Variants in TTC21A observed in about 807,000 individuals in gnomAD.
TTC21A encodes tetratricopeptide repeat protein 21A.
Under a neutral mutation model 156.4 loss-of-function variants are expected in TTC21A, and 128 were observed. The ratio of observed to expected loss-of-function variants is 0.82; its 90% CI spans 0.71 to 0.95. The LOEUF is 0.95. Ranked by LOEUF, TTC21A falls within the 40% of genes least tolerant of loss-of-function variation. The pLI, the probability that TTC21A is intolerant of heterozygous loss-of-function variation, is 0.00. For missense variants in TTC21A, 1,435 were observed against 1,602.3 expected (o/e 0.90, Z 1.78); for synonymous variants, 587 against 617.1 (o/e 0.95, Z 0.72).
In TTC21A at chr3:39,134,140, GA is replaced by G; in HGVS notation, c.2752-75del. ...GAGCTGATAGAAGTGGGGTGTGAGG[GA>G]AAGAGCTGTCAAGGATAACCCCAGG... is the stretch of plus-strand genomic sequence containing the variant. On this transcript the variant is annotated intron_variant, in intron 20 of 28. Transcript: ENST00000683103. The surrounding 1 kb of genome is among the most constrained non-coding windows in gnomAD (Gnocchi z 4.6). 1.1e-6 allele frequency: 1 copy of G among 885,716 alleles called. No individual in the cohort carries two copies. The highest frequency in any genetic ancestry group is 1.9e-6 in the Non-Finnish European group (1 of 525,828). 54.9% of individuals were successfully genotyped at this position (885,716 alleles called of 1,614,324 possible).
At chr3:39,118,199 A>G (rs1279283628) in intron 7 of TTC21A, 46 bp downstream of exon 7, 2 of 1,584,588 alleles carry the variant, frequency 1.3e-6, no homozygotes, top group Non-Finnish European at 1.7e-6. Flanking sequence ...AACAGAATCA[A>G]GGAGGAACCC....
intron 8 of TTC21A, 41 bp downstream of exon 8, chr3:39,120,061 C>T (rs2037628351): frequency 7.0e-7 from 1 of 1,419,246 alleles, no homozygotes; most frequent in Non-Finnish European, 9.9e-7. Context: ...GTGCTTCTCC[C>T]TGCTTTCCTT....
intron 7 of TTC21A, chr3:39,118,541 A>G: frequency 4.7e-6 from 1 of 213,452 alleles, no homozygotes; most frequent in Non-Finnish European, 9.4e-6. Context: ...AATTCCATCA[A>G]TGTTAACTGA....
Position 39,138,306 on chromosome 3 carries a change from G to A in TTC21A, c.3715G>A (p.Glu1239Lys). ...CTATGAGTACATGGGCTTCATCATG[G>A]AGAAGGAGCAGTCCTACAAGGATGC... ...KAYEYMGFIMEKEQSYKDAVT... is the reference protein window; with the variant it reads ...KAYEYMGFIMKKEQSYKDAVT... The change falls in exon 27 of 29, where the codon GAG (glutamate) becomes AAG (lysine). Residue 1239 changes from glutamate (E) to lysine (K), a missense_variant. Transcript: ENST00000683103. The A allele has an allele frequency of 6.2e-7, 1 of 1,614,186 alleles. No individual in the cohort carries two copies. Among genetic ancestry groups the A allele is most frequent in the Non-Finnish European group, 8.5e-7 (1 of 1,180,038 alleles).
intron 9 of TTC21A, among the ~76,000 whole-genome samples, chr3:39,123,850 C>T (rs1035610141): frequency 1.3e-5 from 2 of 151,924 alleles, no homozygotes; most frequent in African/African-American, 4.8e-5. Context: ...AAAATCACCC[C>T]CCCCAAAAAA....
rs1012072916 is a variant in TTC21A, at chr3:39,134,763, T to C, written c.2863-330T>C. The C allele has an allele frequency of 1.8e-5, 9 of 497,088 alleles. No individual in the cohort carries two copies. Among genetic ancestry groups the C allele is most frequent in the African/African-American group, 1.7e-4 (9 of 52,014 alleles). The allele number at this position is 497,088 out of a possible 1,614,324, so 30.8% of individuals were successfully genotyped here. A position where few individuals can be genotyped will look rare whatever the true frequency, so the allele number is the denominator to read the frequency against. ...GGTCCTCATCCCTACCTCTATTGCC[T>C]GGCAGTTCTCAGAATGGGTGGAGAG... On this transcript the variant is annotated intron_variant, in intron 21 of 28. Transcript: ENST00000683103. This position sits in a 1 kb window ranked among gnomAD's most constrained non-coding sequence, Gnocchi z 4.6.
rs550942344 is a variant in TTC21A at position 39,129,467 on chromosome 3, A to G, written c.2135+157A>G. ...ATTGTCCATGGGTTACAATTTGAGC[A>G]TGAAAGGTCAGTAAGCCCTGTTCAT... On this transcript the variant is annotated intron_variant, in intron 15 of 28. Transcript: ENST00000683103. 2.6e-5 allele frequency among the ~76,000 whole-genome samples: 4 copies of G among 152,384 alleles called. No individual in the cohort carries two copies. In the East Asian group the frequency reaches 7.7e-4, roughly 29 times the overall value.
At chr3:39,113,953 C>T (rs540786795) in intron 5 of TTC21A, among the ~76,000 whole-genome samples, 29 of 152,302 alleles carry the variant, frequency 1.9e-4, no homozygotes, top group Admixed American at 1.8e-3. Context: ...TAAGGGAAGC[C>T]GTCCTTTCAG....
At chr3:39,113,222 A>G (rs1051729912) in intron 5 of TTC21A, among the ~76,000 whole-genome samples, 12 of 152,192 alleles carry the variant, frequency 7.9e-5, no homozygotes, top group Non-Finnish European at 1.3e-4. Context: ...AAATGTTAGT[A>G]TTTTAGGGCA....
At chr3:39,133,262 A>G (rs781577636) in intron 20 of TTC21A, 22 bp downstream of exon 20, 1 of 1,607,522 alleles carries the variant, frequency 6.2e-7, no homozygotes, top group South Asian at 1.1e-5. Flanking sequence ...TCAAAGCAAG[A>G]GGCTGCTTTC....
chr3:39,122,685 G>A (rs986759649), intron 9 of TTC21A, among the ~76,000 whole-genome samples: 1 of 152,210 alleles, frequency 6.6e-6, no homozygotes, highest in East Asian at 1.9e-4. Flanking sequence ...GAGGAGCACT[G>A]CTCTGGATGA....
At chr3:39,135,226 G>C (rs146063794) in intron 22 of TTC21A, 52 bp downstream of exon 22, 1 of 1,499,436 alleles carries the variant, frequency 6.7e-7, no homozygotes, top group Admixed American at 1.7e-5. Context: ...AGCAAGGGCC[G>C]CTCTCCCAGA....
chr3:39,138,547 C>A lies in TTC21A; in HGVS notation c.3797-9C>A. The A allele has an allele frequency of 1.2e-6, 2 of 1,614,158 alleles. No individual in the cohort carries two copies. The highest frequency in any genetic ancestry group is 1.7e-6 in the Non-Finnish European group (2 of 1,180,010). On this transcript the variant is annotated splice_polypyrimidine_tract_variant and intron_variant, in intron 27 of 28. Transcript: ENST00000683103. The stretch of plus-strand genomic sequence containing the variant: ...GTGCCACCATCTTTGCTCTCCATGT[C>A]CCCGGTAGGCTTCAAACTTGCTTTC...
intron 12 of TTC21A, among the ~76,000 whole-genome samples, chr3:39,128,099 AG>A (rs1254152973): frequency 6.6e-6 from 1 of 152,198 alleles, no homozygotes; most frequent in Non-Finnish European, 1.5e-5. Flanking sequence ...AGAGACAAGA[AG>A]GGTGTTGCAC....
chr3:39,138,627 A>G lies in TTC21A; in HGVS notation c.3864+4A>G. Reference sequence around the variant, plus strand: ...GGCCATTGAAATCTGCAACGATGTAAGCCAGCAGCCTTGGTGGGGAGGGCC... The same window carrying G: ...GGCCATTGAAATCTGCAACGATGTAGGCCAGCAGCCTTGGTGGGGAGGGCC... On this transcript the variant is annotated splice_donor_region_variant and intron_variant, in intron 28 of 28. Transcript: ENST00000683103. 6.2e-7 allele frequency: 1 copy of G among 1,614,206 alleles called. No homozygotes were observed. Among genetic ancestry groups the G allele is most frequent in the South Asian group, 1.1e-5 (1 of 91,086 alleles).
chr3:39,128,625 GGGCTCCTGAGGCTTTCTCTGACCT>G, intron 13 of TTC21A, 68 bp from the exon 14 acceptor site: 1 of 1,551,436 alleles, frequency 6.4e-7, no homozygotes, highest in South Asian at 1.2e-5. Context: ...TAGGCTCAGT[GGGCTCCTGAGGCTTTCTCTGACCT>G]GGCTGCTGTG....
intron 4 of TTC21A, among the ~76,000 whole-genome samples, chr3:39,111,476 G>A (rs1261391865): frequency 6.6e-6 from 1 of 152,144 alleles, no homozygotes; most frequent in Admixed American, 6.5e-5. Context: ...TGGCCACACT[G>A]GGCCATTCCC....
rs369704736 is a variant in TTC21A at position 39,121,041 on chromosome 3, C to T, written c.945C>T (p.Ile315=). Residue 315 remains isoleucine, a synonymous_variant, in exon 9 of 29, where the codon ATC becomes ATT. Coordinates refer to ENST00000683103, the MANE Select transcript of TTC21A (RefSeq NM_001366900.1). ...QVILGLVCSF[I]ERTFMATPSY... ...TTCTAGGGCTAGTGTGTAGTTTCAT[C>T]GAGCGCACCTTCATGGCCACCCCCT... 43 of 1,613,238 alleles carry T rather than the reference C, an allele frequency of 2.7e-5. No homozygotes were observed. The highest frequency in any genetic ancestry group is 2.0e-4 in the African/African-American group (15 of 75,008).
chr3:39,126,475 T>TACACACACACACACACACACAC (rs59925253), intron 12 of TTC21A, 85 bp downstream of exon 12: 1 of 499,056 alleles, frequency 2.0e-6, no homozygotes. Flanking sequence ...CCTAGGATAC[T>TACACACACACACACACACACAC]ACACACACAC....
Sources: gnomAD v4.1 joint callset for allele counts (sites outside exome capture counted in the v4.1 genomes callset) on GRCh38, gnomAD v4.1.1 for gene constraint, Gnocchi (gnomAD v3.1) non-coding constraint, MANE v1.5 for transcripts, NCBI Gene and HGNC (gene_info 2026-07-23, HGNC 2026-07-21) for gene names.